AGBL4: variants seen among roughly 807,000 people sequenced by gnomAD.
The protein encoded by AGBL4 is AGBL carboxypeptidase 4, also known as cytosolic carboxypeptidase 6.
Under a neutral mutation model 66.4 loss-of-function variants are expected in AGBL4, and 58 were observed. The ratio of observed to expected loss-of-function variants is 0.87; its 90% CI spans 0.71 to 1.09. AGBL4 has a LOEUF of 1.09. Ranked by LOEUF, AGBL4 falls within the 50% of genes least tolerant of loss-of-function variation. The pLI, the probability that AGBL4 is intolerant of heterozygous loss-of-function variation, is 0.00. For synonymous variants in AGBL4, 234 were observed against 222.9 expected (o/e 1.05, Z -0.44); for missense variants, 579 against 631.0 (o/e 0.92, Z 0.88).
At chr1:48,891,435 C>A (rs1474527689) in intron 5 of AGBL4, among the ~76,000 whole-genome samples, 2 of 152,152 alleles carry the variant, frequency 1.3e-5, no homozygotes, top group African/African-American at 2.4e-5. Flanking sequence ...TTGGACCAGG[C>A]ACTAGATGCT....
chr1:48,642,651 C>T (rs1367802008), intron 8 of AGBL4, among the ~76,000 whole-genome samples: 1 of 152,012 alleles, frequency 6.6e-6, no homozygotes, highest in African/African-American at 2.4e-5. Flanking sequence ...CATTCCAGAA[C>T]CAAAAGATTA....
At chr1:48,598,551 C>T (rs191191804) in intron 9 of AGBL4, among the ~76,000 whole-genome samples, 80 of 151,944 alleles carry the variant, frequency 5.3e-4, no homozygotes, top group Admixed American at 4.6e-3. Flanking sequence ...CCAAGGCAGG[C>T]GGATCAATTG....
At chr1:48,706,631 G>A (rs1646884326) in intron 6 of AGBL4, among the ~76,000 whole-genome samples, 1 of 152,038 alleles carries the variant, frequency 6.6e-6, no homozygotes, top group African/African-American at 2.4e-5. Context: ...GAAAGCAGTA[G>A]GAAAGAAGTA....
rs573400374 is a variant in AGBL4 at position 49,295,365 on chromosome 1, C to A, written c.283-49501G>T. ...GGGATCATAGAGGAAAGGACCAATG[C>A]CAGCCTGGTAGATCAGGGATGTTTT... On this transcript the variant is annotated intron_variant, in intron 3 of 13. Coordinates refer to ENST00000371839, the MANE Select transcript of AGBL4 (RefSeq NM_032785.4). Among the ~76,000 whole-genome samples, 14 of 152,282 alleles carry A rather than the reference C, an allele frequency of 9.2e-5. No homozygotes were observed. In the East Asian group the frequency reaches 2.7e-3, roughly 29 times the overall value.
chr1:48,570,527 G>A (rs906714362), intron 11 of AGBL4, among the ~76,000 whole-genome samples: 5 of 152,086 alleles, frequency 3.3e-5, no homozygotes, highest in Non-Finnish European at 7.4e-5. Context: ...CTCCAGGTAA[G>A]TTAATATCGT....
In AGBL4 at chr1:49,644,663, TATACTC is replaced by T. The variant is rs763764920; in HGVS notation, c.282+52644_282+52649del. On this transcript the variant is annotated intron_variant, in intron 3 of 13. Transcript: ENST00000371839. ...TAGGAGAAATAGAAAAATCCACAAT[TATACTC>T]ATATATTTAAACACACATCTCTAAA... Among the ~76,000 whole-genome samples, 211 of 151,592 alleles carry T rather than the reference TATACTC, an allele frequency of 1.4e-3. 5 individuals carry two copies. Among genetic ancestry groups the T allele is most frequent in the Non-Finnish European group, 4.0e-4 (27 of 67,558 alleles).
chr1:48,965,709 G>A (rs1658365267), intron 5 of AGBL4, among the ~76,000 whole-genome samples: 1 of 152,148 alleles, frequency 6.6e-6, no homozygotes, highest in African/African-American at 2.4e-5. Flanking sequence ...GGCAGGGTTG[G>A]CAGAGGCCTT....
intron 1 of AGBL4, among the ~76,000 whole-genome samples, chr1:49,935,252 A>C (rs1219747143): frequency 1.3e-5 from 2 of 152,232 alleles, no homozygotes; most frequent in Non-Finnish European, 2.9e-5. Context: ...GTCTGAGATC[A>C]AACTGCAAGG....
At chr1:49,035,959 C>G (rs1368438253) in intron 5 of AGBL4, among the ~76,000 whole-genome samples, 1 of 151,736 alleles carries the variant, frequency 6.6e-6, no homozygotes, top group Non-Finnish European at 1.5e-5. Flanking sequence ...AAACTGGGGA[C>G]TAGTAGATGG....
At chr1:48,593,284 C>T (rs969654434) in intron 9 of AGBL4, among the ~76,000 whole-genome samples, 21 of 152,094 alleles carry the variant, frequency 1.4e-4, no homozygotes, top group African/African-American at 3.9e-4. Context: ...ATCTTGGAGG[C>T]GATTCTTTCT....
At chr1:48,828,640 A>G (rs1646483826) in intron 6 of AGBL4, among the ~76,000 whole-genome samples, 1 of 152,214 alleles carries the variant, frequency 6.6e-6, no homozygotes, top group East Asian at 1.9e-4. Context: ...GAAATAATAC[A>G]TGATAACAAC....
At chr1:49,867,895 G>A (rs1322017066) in intron 1 of AGBL4, among the ~76,000 whole-genome samples, 4 of 152,078 alleles carry the variant, frequency 2.6e-5, no homozygotes, top group Non-Finnish European at 5.9e-5. Context: ...ATGTAAGTGG[G>A]CTAAATGCCC....
chr1:49,369,514 T>A (rs567762984), intron 3 of AGBL4, among the ~76,000 whole-genome samples: 1 of 152,282 alleles, frequency 6.6e-6, no homozygotes, highest in South Asian at 2.1e-4. Flanking sequence ...GACCCTATGA[T>A]TACCCAGTTT....
intron 5 of AGBL4, among the ~76,000 whole-genome samples, chr1:48,887,573 C>G (rs1650494086): frequency 6.6e-6 from 1 of 152,090 alleles, no homozygotes; most frequent in Non-Finnish European, 1.5e-5. Context: ...GGAATTGAGG[C>G]TCAGAGAGAA....
chr1:49,458,368 A>G (rs1341494990), intron 3 of AGBL4, among the ~76,000 whole-genome samples: 2 of 151,764 alleles, frequency 1.3e-5, no homozygotes, highest in Non-Finnish European at 2.9e-5. Flanking sequence ...CTGTTGCTGT[A>G]TAGCAGTGCT....
chr1:49,797,196 A>G (rs567842502), intron 2 of AGBL4, among the ~76,000 whole-genome samples: 1 of 152,186 alleles, frequency 6.6e-6, no homozygotes, highest in African/African-American at 2.4e-5. Flanking sequence ...GAATTAATTA[A>G]ATTTCAATAT....
chr1:49,231,903 G>C (rs1310808006), intron 4 of AGBL4, among the ~76,000 whole-genome samples: 2 of 152,134 alleles, frequency 1.3e-5, no homozygotes, highest in African/African-American at 4.8e-5. Flanking sequence ...TCAGCTTTGT[G>C]TTACATGACT....
intron 3 of AGBL4, among the ~76,000 whole-genome samples, chr1:49,345,384 G>A (rs1645616499): frequency 6.6e-6 from 1 of 152,016 alleles, no homozygotes; most frequent in Admixed American, 6.6e-5. Context: ...CTGTTGTCTT[G>A]TTTTGATCAT....
chr1:49,854,176 G>C (rs1214051330), intron 1 of AGBL4, among the ~76,000 whole-genome samples: 1 of 1,414 alleles, frequency 7.1e-4, no homozygotes, highest in South Asian at 0.17. Context: ...ATAGGTGCCT[G>C]ACACTTGCCC....
Sources: gnomAD v4.1 joint callset for allele counts (sites outside exome capture counted in the v4.1 genomes callset) on GRCh38, gnomAD v4.1.1 for gene constraint, MANE v1.5 for transcripts, NCBI Gene and HGNC (gene_info 2026-07-23, HGNC 2026-07-21) for gene names.